SSBP3: variants seen among roughly 807,000 people sequenced by gnomAD.
SSBP3 encodes the protein single stranded DNA binding protein 3, also known as single-stranded DNA-binding protein 3.
SSBP3 carries 5 observed loss-of-function variants against 69.6 expected under a neutral mutation model. The observed-to-expected ratio is 0.07, with a 90% CI of 0.04 to 0.15. The LOEUF (loss-of-function observed/expected upper bound fraction) is 0.15, where lower values mean the gene tolerates loss of function less well. SSBP3 is among the 10% of genes least tolerant of loss of function. The pLI, the probability that SSBP3 is intolerant of heterozygous loss-of-function variation, is 1.00. For missense variants in SSBP3, 312 were observed against 534.0 expected (o/e 0.58, Z 4.10); for synonymous variants, 196 against 193.4 (o/e 1.01, Z -0.11).
At chr1:54,270,570 A>C (rs1017870210) in intron 5 of SSBP3, among the ~76,000 whole-genome samples, 2 of 152,222 alleles carry the variant, frequency 1.3e-5, no homozygotes, top group Admixed American at 6.5e-5. Context: ...AACCTCTTCC[A>C]CACATCAATG....
chr1:54,327,806 A>C (rs938859814), intron 4 of SSBP3, among the ~76,000 whole-genome samples: 5 of 152,160 alleles, frequency 3.3e-5, no homozygotes, highest in African/African-American at 4.8e-5. Flanking sequence ...GGCTACACTC[A>C]TCTGTCCAGA....
At chr1:54,326,308 C>T (rs59666413) in intron 4 of SSBP3, 7,188 of 152,454 alleles carry the variant, frequency 0.047, 389 homozygotes, top group East Asian at 0.16. Context: ...CCGGGGGACA[C>T]CGGAACTCCA....
intron 4 of SSBP3, among the ~76,000 whole-genome samples, chr1:54,293,229 G>A (rs1360621): frequency 0.68 from 102,706 of 151,836 alleles, 35,026 homozygotes; most frequent in East Asian, 0.85. Context: ...ACCAAGAAGA[G>A]GGCCAGAGCA....
chr1:54,328,811 A>G (rs1646355675), intron 4 of SSBP3, among the ~76,000 whole-genome samples: 1 of 152,188 alleles, frequency 6.6e-6, no homozygotes, highest in African/African-American at 2.4e-5. Context: ...AGAAGGGGCC[A>G]CTACCCCAAC....
chr1:54,308,600 C>CAAAA (rs397862361), intron 4 of SSBP3, among the ~76,000 whole-genome samples: 25 of 101,142 alleles, frequency 2.5e-4, no homozygotes, highest in African/African-American at 8.7e-4. Context: ...GACTCCATCT[C>CAAAA]AAAAAAAAAA....
intron 4 of SSBP3, among the ~76,000 whole-genome samples, chr1:54,369,317 G>A (rs1389239688): frequency 4.3e-5 from 6 of 140,672 alleles, no homozygotes; most frequent in South Asian, 5.1e-4. Flanking sequence ...GGGGGTGGGG[G>A]GGCACAAACT....
chr1:54,352,341 T>G lies in SSBP3; in HGVS notation c.276+49520A>C, dbSNP rs143110354. Reference sequence around the variant, plus strand: ...CTAGCAGGGAATTACCTTGTTATCCTACTAAGTGGCAATCTCCAGAGAGGC... The same window carrying G: ...CTAGCAGGGAATTACCTTGTTATCCGACTAAGTGGCAATCTCCAGAGAGGC... On this transcript the variant is annotated intron_variant, in intron 4 of 17. Coordinates refer to ENST00000610401, the Ensembl canonical transcript of SSBP3. 9.6e-3 allele frequency among the ~76,000 whole-genome samples: 1,467 copies of G among 152,332 alleles called. 10 individuals are homozygous for G. Among genetic ancestry groups the G allele is most frequent in the Non-Finnish European group, 0.014 (981 of 68,042 alleles).
intron 4 of SSBP3, among the ~76,000 whole-genome samples, chr1:54,363,871 C>T (rs985165485): frequency 4.9e-4 from 74 of 152,298 alleles, no homozygotes; most frequent in African/African-American, 1.5e-3. Flanking sequence ...TTGCATAGAG[C>T]TAGGCACACC....
Position 54,258,574 on chromosome 1 carries a change from C to T in SSBP3, c.367-425G>A, listed in dbSNP as rs866760161. On this transcript the variant is annotated intron_variant, in intron 5 of 17. Coordinates refer to ENST00000610401, the Ensembl canonical transcript of SSBP3. The surrounding 1 kb of genome is among the most constrained non-coding windows in gnomAD (Gnocchi z 4.5). Reference sequence around the variant, plus strand: ...GCTTGCACGGGAGGTGGGGAAAGATCGGGAAGGGCCCTGCCCTCAAGGAGC... The same window carrying T: ...GCTTGCACGGGAGGTGGGGAAAGATTGGGAAGGGCCCTGCCCTCAAGGAGC... Among the ~76,000 whole-genome samples the T allele has an allele frequency of 2.0e-5, 3 of 152,128 alleles. No homozygotes were observed. Among genetic ancestry groups the T allele is most frequent in the African/African-American group, 4.8e-5 (2 of 41,418 alleles).
chr1:54,252,503 CACCCAGCCCCGGGGCGGGACAGG>C (rs1477137532), intron 7 of SSBP3, among the ~76,000 whole-genome samples: 43 of 152,294 alleles, frequency 2.8e-4, no homozygotes, highest in Non-Finnish European at 4.9e-4. Context: ...TAGGAAATGC[CACCCAGCCCCGGGGCGGGACAGG>C]TGGCCACTAG....
chr1:54,272,840 T>C (rs999013826), intron 5 of SSBP3, among the ~76,000 whole-genome samples: 12 of 152,238 alleles, frequency 7.9e-5, no homozygotes, highest in African/African-American at 2.9e-4. Context: ...ACGCAGCTAC[T>C]GACACCCATC....
chr1:54,403,860 C>T (rs566142747), intron 3 of SSBP3, among the ~76,000 whole-genome samples: 4 of 152,290 alleles, frequency 2.6e-5, no homozygotes, highest in African/African-American at 9.6e-5. Flanking sequence ...CTGTCATATA[C>T]CCAACACAGA....
intron 4 of SSBP3, among the ~76,000 whole-genome samples, chr1:54,379,015 A>G (rs12022510): frequency 0.11 from 16,485 of 149,580 alleles, 1,046 homozygotes; most frequent in East Asian, 0.29. Flanking sequence ...TGGCCCCGCC[A>G]CCGCCTGGCC....
intron 4 of SSBP3, among the ~76,000 whole-genome samples, chr1:54,291,349 G>T (rs1234450289): frequency 2.0e-5 from 3 of 152,090 alleles, no homozygotes; most frequent in Admixed American, 2.0e-4. Context: ...CAATGCCAGG[G>T]AAGGGGCGCA....
At chr1:54,257,814 A>C (rs1438309267) in intron 6 of SSBP3, among the ~76,000 whole-genome samples, 2 of 152,246 alleles carry the variant, frequency 1.3e-5, no homozygotes, top group Non-Finnish European at 2.9e-5. Flanking sequence ...AGGAAAAAAC[A>C]AAAACGCAAA....
chr1:54,404,434 G>A (rs1373830908), intron 3 of SSBP3, 142 bp downstream of exon 3: 4 of 925,840 alleles, frequency 4.3e-6, no homozygotes, highest in East Asian at 2.5e-5. Context: ...CAGCTGGGCC[G>A]GAGTGCCTCG....
At chr1:54,329,724 C>A (rs1243426951) in intron 4 of SSBP3, among the ~76,000 whole-genome samples, 3 of 152,232 alleles carry the variant, frequency 2.0e-5, no homozygotes, top group Non-Finnish European at 4.4e-5. Context: ...AGGGAGCCCC[C>A]AGCTTCTTGG....
At chr1:54,409,855 C>G (rs1209338724), upstream of SSBP3, among the ~76,000 whole-genome samples, 2 of 152,178 alleles carry the variant, frequency 1.3e-5, no homozygotes, top group African/African-American at 4.8e-5. Context: ...GACAAAAATC[C>G]TTACCCCGTG....
At chr1:54,402,989 G>A (rs764094701) in intron 3 of SSBP3, among the ~76,000 whole-genome samples, 10 of 152,192 alleles carry the variant, frequency 6.6e-5, no homozygotes, top group Admixed American at 3.3e-4. Flanking sequence ...AGCCAGCTCT[G>A]CAAGTCATCA....
Sources: allele counts gnomAD v4.1 joint callset (sites outside exome capture counted in the v4.1 genomes callset), GRCh38; gene constraint gnomAD v4.1.1; non-coding constraint Gnocchi (gnomAD v3.1); transcripts MANE v1.5; gene names NCBI Gene and HGNC (gene_info 2026-07-23, HGNC 2026-07-21).